Variants in MDGA2 observed in about 807,000 individuals in gnomAD.
MDGA2 encodes MAM domain-containing glycosylphosphatidylinositol anchor protein 2.
In MDGA2, 40 loss-of-function variants were observed where a neutral mutation model predicts 117.8. The observed-to-expected ratio is 0.34, with a 90% CI of 0.26 to 0.44. The LOEUF (loss-of-function observed/expected upper bound fraction) is 0.44, where lower values mean the gene tolerates loss of function less well. MDGA2 is among the 20% of genes least tolerant of loss of function. MDGA2 has a pLI of 1.00. For synonymous variants in MDGA2, 452 were observed against 439.0 expected (o/e 1.03, Z -0.37); for missense variants, 1,123 against 1,250.6 (o/e 0.90, Z 1.54).
intron 1 of MDGA2, among the ~76,000 whole-genome samples, chr14:47,579,539 C>T (rs938492455): frequency 5.3e-5 from 8 of 151,888 alleles, no homozygotes; most frequent in Admixed American, 4.6e-4. Flanking sequence ...AATGATGAAA[C>T]AGCAATGTGT....
intron 2 of MDGA2, among the ~76,000 whole-genome samples, chr14:47,227,343 G>A (rs1886541735): frequency 6.6e-6 from 1 of 152,126 alleles, no homozygotes; most frequent in African/African-American, 2.4e-5. Context: ...CTCTAGATGG[G>A]ATAGATTCTG....
Position 47,409,258 on chromosome 14 carries a change from C to T in MDGA2, c.281-107708G>A, listed in dbSNP as rs149541033. ...CAAGAGATTTGTTCTGAGGTTACTTCGCCAAACCACATAAAAGATAATGGG... is the reference window on the plus strand; with the variant it reads ...CAAGAGATTTGTTCTGAGGTTACTTTGCCAAACCACATAAAAGATAATGGG... On this transcript the variant is annotated intron_variant, in intron 1 of 16. Transcript: ENST00000399232. Among the ~76,000 whole-genome samples, 420 of 152,242 alleles carry T rather than the reference C, an allele frequency of 2.8e-3. 3 individuals carry two copies. The highest frequency in any genetic ancestry group is 9.6e-3 in the African/African-American group (398 of 41,556).
At chr14:47,550,567 T>A (rs1291583307) in intron 1 of MDGA2, among the ~76,000 whole-genome samples, 3 of 152,172 alleles carry the variant, frequency 2.0e-5, no homozygotes, top group South Asian at 4.1e-4. Context: ...AGTAGATGAT[T>A]TGGTGAAGAA....
chr14:47,320,182 C>A (rs1481900255), intron 1 of MDGA2, among the ~76,000 whole-genome samples: 1 of 152,116 alleles, frequency 6.6e-6, no homozygotes, highest in Non-Finnish European at 1.5e-5. Flanking sequence ...ATCCAGTTTG[C>A]AGTACTTTGT....
At chr14:46,975,284 T>G (rs898993034) in intron 8 of MDGA2, among the ~76,000 whole-genome samples, 8 of 152,142 alleles carry the variant, frequency 5.3e-5, no homozygotes, top group African/African-American at 1.7e-4. Flanking sequence ...GAAAACAGTA[T>G]AGTTGTTTCT....
At chr14:47,443,654 G>T (rs1198514783) in intron 1 of MDGA2, among the ~76,000 whole-genome samples, 3 of 152,038 alleles carry the variant, frequency 2.0e-5, no homozygotes, top group Non-Finnish European at 4.4e-5. Context: ...GGTACTAATT[G>T]TCCAAGTTCA....
In MDGA2 at chr14:47,140,101, G is replaced by A. The variant is rs561280869; in HGVS notation, c.792+3977C>T. Among the ~76,000 whole-genome samples the A allele has an allele frequency of 2.0e-5, 3 of 151,546 alleles. No individual in the cohort carries two copies. The South Asian group carries it at 6.2e-4, about 31-fold the overall frequency. On this transcript the variant is annotated intron_variant, in intron 4 of 16. Coordinates refer to ENST00000399232, the MANE Select transcript of MDGA2 (RefSeq NM_001113498.3). ...GCCTCTGCCATATTATCAAACTAAA[G>A]AATACCTAGAAATAAATTTAACCAA...
intron 1 of MDGA2, among the ~76,000 whole-genome samples, chr14:47,330,553 A>G (rs577271144): frequency 4.6e-5 from 7 of 152,042 alleles, no homozygotes; most frequent in African/African-American, 7.2e-5. Flanking sequence ...CTTCAAAAAG[A>G]GAGGTTTAAA....
chr14:46,996,948 A>G, intron 8 of MDGA2: 1 of 406,230 alleles, frequency 2.5e-6, no homozygotes, highest in Admixed American at 2.9e-5. Context: ...TGGGTGAAGT[A>G]GGGAACTTTG....
chr14:47,301,926 T>A (rs932625151), intron 1 of MDGA2, among the ~76,000 whole-genome samples: 2 of 152,006 alleles, frequency 1.3e-5, no homozygotes, highest in Non-Finnish European at 2.9e-5. Flanking sequence ...AAGAAGACAA[T>A]TGGAGGAGAA....
chr14:46,967,049 T>G (rs1236434906), intron 8 of MDGA2, among the ~76,000 whole-genome samples: 1 of 152,126 alleles, frequency 6.6e-6, no homozygotes, highest in African/African-American at 2.4e-5. Flanking sequence ...TTTTTAATTT[T>G]AAAAACAATA....
chr14:46,869,391 T>G (rs1181570646), intron 14 of MDGA2, among the ~76,000 whole-genome samples: 4 of 149,432 alleles, frequency 2.7e-5, no homozygotes, highest in African/African-American at 9.9e-5. Flanking sequence ...AGAAATTCAG[T>G]GGATTCATCG....
At chr14:47,190,651 A>G (rs1313630424) in intron 3 of MDGA2, among the ~76,000 whole-genome samples, 2 of 152,180 alleles carry the variant, frequency 1.3e-5, no homozygotes, top group Non-Finnish European at 2.9e-5. Flanking sequence ...TTAGTCTCAT[A>G]ATGTTCAGAA....
rs969661492 is a variant in MDGA2, at chr14:47,675,517, G to C, written c.-721C>G. Among the ~76,000 whole-genome samples, 19 of 152,238 alleles carry C rather than the reference G, an allele frequency of 1.2e-4. No homozygotes were observed. The highest frequency in any genetic ancestry group is 2.2e-4 in the Non-Finnish European group (15 of 68,010). On this transcript the variant is annotated 5_prime_UTR_variant, in exon 1 of 17. Coordinates refer to ENST00000399232, the MANE Select transcript of MDGA2 (RefSeq NM_001113498.3). ...CTCTCCAAAATAGCCTTTAGCGCCC[G>C]GCCAGCGTAGAGGTGCTCTGGCCGG...
At chr14:47,378,971 G>A (rs1252294703) in intron 1 of MDGA2, among the ~76,000 whole-genome samples, 1 of 152,162 alleles carries the variant, frequency 6.6e-6, no homozygotes, top group Non-Finnish European at 1.5e-5. Flanking sequence ...CAGAGAGAAA[G>A]GTCGGTTACC....
chr14:47,121,761 C>T (rs867541760), intron 5 of MDGA2, among the ~76,000 whole-genome samples: 1 of 152,070 alleles, frequency 6.6e-6, no homozygotes, highest in African/African-American at 2.4e-5. Context: ...TGGAGAAGAA[C>T]AGTGGCTAGG....
At chr14:47,365,606 CT>C (rs915137185) in intron 1 of MDGA2, among the ~76,000 whole-genome samples, 2 of 152,142 alleles carry the variant, frequency 1.3e-5, no homozygotes, top group African/African-American at 4.8e-5. Flanking sequence ...TTTTATTCTC[CT>C]TTTTTTCCCC....
At chr14:46,874,243 ACAC>A in intron 12 of MDGA2, 43 bp from the exon 13 acceptor site, 1 of 957,738 alleles carries the variant, frequency 1.0e-6, no homozygotes, top group Non-Finnish European at 1.4e-6. Flanking sequence ...TTAAATTAAT[ACAC>A]ATACTGCAAT....
At chr14:46,966,948 AT>A (rs1017894648) in intron 8 of MDGA2, among the ~76,000 whole-genome samples, 4 of 151,888 alleles carry the variant, frequency 2.6e-5, no homozygotes, top group Non-Finnish European at 4.4e-5. Flanking sequence ...TAGTTCATGC[AT>A]TTTTTTGACA....
Sources: allele counts gnomAD v4.1 joint callset (sites outside exome capture counted in the v4.1 genomes callset), GRCh38; gene constraint gnomAD v4.1.1; transcripts MANE v1.5; gene names NCBI Gene and HGNC (gene_info 2026-07-23, HGNC 2026-07-21).